The following CGNL1 variants were observed in gnomAD, a reference collection of about 807,000 sequenced individuals.
The protein encoded by CGNL1 is cingulin-like protein 1.
In CGNL1, 132 loss-of-function variants were observed where a neutral mutation model predicts 141.2. The ratio of observed to expected loss-of-function variants is 0.93; its 90% CI spans 0.81 to 1.08. CGNL1 has a LOEUF of 1.08. Among genes scored for constraint, CGNL1 ranks in the 50% least tolerant of loss-of-function variants. The probability of loss-of-function intolerance (pLI) is 0.00; values close to 1 mark genes in which losing one functional copy is unlikely to be tolerated. For synonymous variants in CGNL1, 690 were observed against 622.1 expected (o/e 1.11, Z -1.63); for missense variants, 1,870 against 1,588.6 (o/e 1.18, Z -3.01).
At chr15:57,412,516 C>T (rs541576346) in intron 1 of CGNL1, among the ~76,000 whole-genome samples, 14 of 152,168 alleles carry the variant, frequency 9.2e-5, no homozygotes, top group Non-Finnish European at 1.5e-4. Flanking sequence ...TTCCCAGGAA[C>T]CTGGCTGATG....
At chr15:57,547,239 T>C (rs2032917124) in intron 18 of CGNL1, 116 bp from the exon 19 acceptor site, 7 of 1,175,346 alleles carry the variant, frequency 6.0e-6, no homozygotes, top group Non-Finnish European at 8.5e-6. Context: ...ATGTGTTTCT[T>C]TTCTGTGCCA....
At chr15:57,527,065 T>G (rs1474386902) in intron 12 of CGNL1, 1 of 152,170 alleles carries the variant, frequency 6.6e-6, no homozygotes, top group African/African-American at 2.4e-5. Flanking sequence ...TTGTTTTTTG[T>G]TTTTTTAACG....
At chr15:57,437,117 G>T (rs1198756769) in intron 1 of CGNL1, among the ~76,000 whole-genome samples, 4 of 152,170 alleles carry the variant, frequency 2.6e-5, no homozygotes, top group Non-Finnish European at 4.4e-5. Context: ...TGTGAGGCAG[G>T]GTGAGCATCC....
chr15:57,500,233 T>C (rs1746891391), intron 8 of CGNL1, among the ~76,000 whole-genome samples: 1 of 152,162 alleles, frequency 6.6e-6, no homozygotes, highest in African/African-American at 2.4e-5. Flanking sequence ...TGTGTTTTTC[T>C]GAGGCCAGAT....
intron 1 of CGNL1, chr15:57,376,924 A>T (rs2062370062): frequency 6.6e-6 from 1 of 152,316 alleles, no homozygotes; most frequent in African/African-American, 2.4e-5. Flanking sequence ...CTCTAGTGAC[A>T]GCTGGGAGAG....
intron 1 of CGNL1, chr15:57,376,797 T>C (rs1447943649): frequency 1.4e-5 from 2 of 147,172 alleles, no homozygotes; most frequent in Non-Finnish European, 3.0e-5. Flanking sequence ...GCAGAACAGA[T>C]GCGGGCGATC....
chr15:57,441,295 A>G (rs1299408985), intron 3 of CGNL1, among the ~76,000 whole-genome samples: 9 of 152,226 alleles, frequency 5.9e-5, no homozygotes, highest in African/African-American at 1.9e-4. Context: ...AGAACTGGTT[A>G]TTAGTATCTC....
chr15:57,489,761 G>A (rs1212606131), intron 8 of CGNL1, among the ~76,000 whole-genome samples: 1 of 152,226 alleles, frequency 6.6e-6, no homozygotes, highest in African/African-American at 2.4e-5. Flanking sequence ...CCAGACATTA[G>A]TTTTGGTGCT....
chr15:57,415,103 C>T (rs2062834354), intron 1 of CGNL1, among the ~76,000 whole-genome samples: 1 of 152,186 alleles, frequency 6.6e-6, no homozygotes, highest in South Asian at 2.1e-4. Context: ...AGATCAAATA[C>T]ATCTCCTTAT....
At chr15:57,546,690 C>T (rs2032886406) in intron 18 of CGNL1, among the ~76,000 whole-genome samples, 1 of 152,096 alleles carries the variant, frequency 6.6e-6, no homozygotes, top group Admixed American at 6.5e-5. Flanking sequence ...CTGCCGTGGT[C>T]CTAAGGATGG....
chr15:57,503,254 C>T (rs1458235009), intron 8 of CGNL1, among the ~76,000 whole-genome samples: 2 of 152,254 alleles, frequency 1.3e-5, no homozygotes, highest in Non-Finnish European at 1.5e-5. Context: ...ATGAGGTGGC[C>T]CCAGGGATGG....
chr15:57,528,685 A>G lies in CGNL1; in HGVS notation c.3071A>G (p.Tyr1024Cys), dbSNP rs1246989873. 1 of 1,614,126 alleles carries G rather than the reference A, an allele frequency of 6.2e-7. No individual in the cohort carries two copies. ...MRLMEEELRD[Y>C]QRAQDEALTK... ...CTGATGGAGGAAGAGTTACGGGACT[A>G]CCAGAGAGCTCAGGATGAAGCACTC... is the stretch of plus-strand genomic sequence containing the variant. The change falls in exon 13 of 19, where the codon TAC (tyrosine) becomes TGC (cysteine). Residue 1024 changes from tyrosine (Y) to cysteine (C), a missense_variant. By Grantham distance (194) the Tyr-to-Cys change is radical. Transcript: ENST00000281282.
At chr15:57,515,192 G>C (rs1399015575) in intron 8 of CGNL1, among the ~76,000 whole-genome samples, 1 of 152,176 alleles carries the variant, frequency 6.6e-6, no homozygotes, top group Middle Eastern at 3.2e-3. Flanking sequence ...TATCCTGATA[G>C]ACCTGAGAAG....
rs1396367797 is a variant in CGNL1 at position 57,438,253 on chromosome 15, C to T, written c.254C>T (p.Pro85Leu). 3 of 1,614,190 alleles carry T rather than the reference C, an allele frequency of 1.9e-6. No homozygotes were observed. The South Asian group carries it at 3.3e-5, about 18-fold the overall frequency. The part of the protein sequence containing the change: ...PFPPPVINNL[P>L]LHSSNGSVPK... ...CCACCTCCAGTGATAAATAACCTGCCTCTACATTCCAGCAATGGTTCTGTG... is the reference window on the plus strand; with the variant it reads ...CCACCTCCAGTGATAAATAACCTGCTTCTACATTCCAGCAATGGTTCTGTG... Residue 85 changes from proline to leucine, a missense_variant, in exon 2 of 19, where the codon CCT becomes CTT. Coordinates refer to ENST00000281282, the MANE Select transcript of CGNL1 (RefSeq NM_032866.5).
intron 8 of CGNL1, among the ~76,000 whole-genome samples, chr15:57,462,633 G>T (rs2063461893): frequency 6.6e-6 from 1 of 152,116 alleles, no homozygotes; most frequent in Non-Finnish European, 1.5e-5. Context: ...GATGAAGAAA[G>T]AATTCTTGAT....
intron 1 of CGNL1, chr15:57,406,893 G>C (rs1353867835): frequency 1.3e-5 from 2 of 152,210 alleles, no homozygotes; most frequent in Non-Finnish European, 2.9e-5. Flanking sequence ...GGTGCTTACT[G>C]TACTAGTTGA....
Position 57,528,998 on chromosome 15 carries a change from G to A in CGNL1, c.3201+183G>A, listed in dbSNP as rs541567875. 79 of 584,964 alleles carry A rather than the reference G, an allele frequency of 1.4e-4. 3 individuals are homozygous for A. In the South Asian group the frequency reaches 1.8e-3, roughly 13 times the overall value. 36.2% of individuals were successfully genotyped at this position (584,964 alleles called of 1,614,324 possible). On this transcript the variant is annotated intron_variant, in intron 13 of 18. Coordinates refer to ENST00000281282, the MANE Select transcript of CGNL1 (RefSeq NM_032866.5). ...AAGGGGCCAGTCATTTATAGACTCAGGACATCAGAGCTAGAAGGAATGATG... is the reference window on the plus strand; with the variant it reads ...AAGGGGCCAGTCATTTATAGACTCAAGACATCAGAGCTAGAAGGAATGATG...
At chr15:57,506,850 C>T (rs1186916891) in intron 8 of CGNL1, among the ~76,000 whole-genome samples, 5 of 152,134 alleles carry the variant, frequency 3.3e-5, no homozygotes, top group African/African-American at 1.2e-4. Flanking sequence ...ACTGAAGTTT[C>T]GAGAAGAACA....
At chr15:57,392,043 A>T (rs1394696688) in intron 1 of CGNL1, among the ~76,000 whole-genome samples, 1 of 152,066 alleles carries the variant, frequency 6.6e-6, no homozygotes, top group Non-Finnish European at 1.5e-5. Context: ...GGTGAAAAAA[A>T]AGTCTTAATT....
Sources: allele counts gnomAD v4.1 joint callset (sites outside exome capture counted in the v4.1 genomes callset), GRCh38; gene constraint gnomAD v4.1.1; transcripts MANE v1.5; gene names NCBI Gene and HGNC (gene_info 2026-07-23, HGNC 2026-07-21).